CA10: variants seen among roughly 807,000 people sequenced by gnomAD.
CA10 encodes the protein carbonic anhydrase 10 (inactive).
In CA10, 14 loss-of-function variants were observed where a neutral mutation model predicts 44.2. The ratio of observed to expected loss-of-function variants is 0.32; its 90% CI spans 0.21 to 0.50. CA10 has a LOEUF of 0.50. CA10 is among the 20% of genes least tolerant of loss of function. CA10 has a pLI of 0.99. For synonymous variants in CA10, 159 were observed against 141.6 expected (o/e 1.12, Z -0.87); for missense variants, 350 against 409.7 (o/e 0.85, Z 1.26).
intron 1 of CA10, among the ~76,000 whole-genome samples, chr17:52,148,508 T>G (rs918933367): frequency 6.6e-6 from 1 of 152,174 alleles, no homozygotes; most frequent in Non-Finnish European, 1.5e-5. Flanking sequence ...TCAAACATAT[T>G]GCTCATTGGG....
intron 6 of CA10, among the ~76,000 whole-genome samples, chr17:51,648,423 G>C (rs1331908206): frequency 6.6e-6 from 1 of 152,188 alleles, no homozygotes; most frequent in Non-Finnish European, 1.5e-5. Context: ...GAAACTCCTT[G>C]ATGAAGGACA....
intron 1 of CA10, among the ~76,000 whole-genome samples, chr17:52,125,460 A>G (rs1989098744): frequency 6.6e-6 from 1 of 152,216 alleles, no homozygotes; most frequent in Admixed American, 6.5e-5. Context: ...ATGCATGCAC[A>G]GTAGGCCTAA....
At position 51,698,329 on chromosome 17, in the gene CA10, A is replaced by G. The variant is rs147545833; in HGVS notation, c.466-44593T>C. ...CCTTTCAAGGTCACTGGACGAAACA[A>G]GTCTTCTTCAGTTTTCACTTAGGAC... is the stretch of plus-strand genomic sequence containing the variant. On this transcript the variant is annotated intron_variant, in intron 4 of 8. Coordinates refer to ENST00000451037, the MANE Select transcript of CA10 (RefSeq NM_020178.5). 2.1e-3 allele frequency among the ~76,000 whole-genome samples: 313 copies of G among 152,336 alleles called. 3 individuals carry two copies. The highest frequency in any genetic ancestry group is 7.2e-3 in the African/African-American group (301 of 41,562).
intron 2 of CA10, among the ~76,000 whole-genome samples, chr17:52,050,312 G>T (rs1181926781): frequency 6.6e-6 from 1 of 151,922 alleles, no homozygotes. Flanking sequence ...AACATTTCCA[G>T]AGTCAGTCAA....
chr17:51,888,436 A>ATTACT (rs1283496521), intron 3 of CA10, among the ~76,000 whole-genome samples: 1 of 152,212 alleles, frequency 6.6e-6, no homozygotes, highest in Non-Finnish European at 1.5e-5. Flanking sequence ...TAGAATAAGG[A>ATTACT]TTACTTTCTA....
At chr17:52,043,108 T>C (rs1461716162) in intron 2 of CA10, among the ~76,000 whole-genome samples, 1 of 152,076 alleles carries the variant, frequency 6.6e-6, no homozygotes, top group Non-Finnish European at 1.5e-5. Flanking sequence ...AAATCTAGGA[T>C]TGTCTTTCTG....
At chr17:52,048,400 A>G (rs1986971613) in intron 2 of CA10, among the ~76,000 whole-genome samples, 1 of 152,054 alleles carries the variant, frequency 6.6e-6, no homozygotes, top group South Asian at 2.1e-4. Context: ...ACTGTTAGCC[A>G]GGCACCGTGC....
At chr17:52,086,794 A>C (rs766704965) in intron 1 of CA10, among the ~76,000 whole-genome samples, 14 of 152,216 alleles carry the variant, frequency 9.2e-5, no homozygotes, top group African/African-American at 3.4e-4. Flanking sequence ...ATATTGTTAT[A>C]AAATGGGGTC....
chr17:52,033,331 C>T (rs1008034388), intron 2 of CA10, among the ~76,000 whole-genome samples: 2 of 152,140 alleles, frequency 1.3e-5, no homozygotes, highest in Admixed American at 6.5e-5. Context: ...TAGGTTAATA[C>T]TCCATGTATA....
chr17:51,631,523 G>C lies in CA10; in HGVS notation c.*61C>G. Reference sequence around the variant, plus strand: ...GAGAAGCAAGAAGGGGGACATTCTAGGTTACGTCAATTCACAGTTGTAGCA... The same window carrying C: ...GAGAAGCAAGAAGGGGGACATTCTACGTTACGTCAATTCACAGTTGTAGCA... On this transcript the variant is annotated 3_prime_UTR_variant, in exon 9 of 9. Transcript: ENST00000451037. The C allele has an allele frequency of 6.9e-7, 1 of 1,441,940 alleles. No homozygotes were observed. Among genetic ancestry groups the C allele is most frequent in the Non-Finnish European group, 9.8e-7 (1 of 1,024,238 alleles). The allele number at this position is 1,441,940 out of a possible 1,614,324, so 89.3% of individuals were successfully genotyped here.
In CA10 at chr17:51,817,434, T is replaced by G. The variant is rs376087473; in HGVS notation, c.280-69616A>C. 5.1e-4 allele frequency among the ~76,000 whole-genome samples: 78 copies of G among 152,130 alleles called. No homozygotes were observed. The South Asian group carries it at 8.9e-3, about 17-fold the overall frequency. ...CTAGGCCTTACTTTTCTCCTGTAAG[T>G]GATGGTGGGGAGGGATGCATGGCAG... On this transcript the variant is annotated intron_variant, in intron 3 of 8. Coordinates refer to ENST00000451037, the MANE Select transcript of CA10 (RefSeq NM_020178.5).
chr17:52,067,323 C>T (rs879191521), intron 2 of CA10, among the ~76,000 whole-genome samples: 7 of 152,228 alleles, frequency 4.6e-5, no homozygotes, highest in African/African-American at 1.7e-4. Context: ...AAGCCCCAGG[C>T]CTTGGTGGCT....
At chr17:51,752,782 G>A (rs1433796654) in intron 3 of CA10, among the ~76,000 whole-genome samples, 3 of 152,018 alleles carry the variant, frequency 2.0e-5, no homozygotes, top group Admixed American at 6.6e-5. Context: ...TACAATTAGC[G>A]GGGTGTGGTA....
At chr17:51,700,314 C>T (rs1473455953) in intron 4 of CA10, among the ~76,000 whole-genome samples, 1 of 152,198 alleles carries the variant, frequency 6.6e-6, no homozygotes, top group African/African-American at 2.4e-5. Context: ...GATAATATCG[C>T]TGCACTGCTC....
chr17:51,704,580 C>A (rs1347828175), intron 4 of CA10, among the ~76,000 whole-genome samples: 1 of 152,212 alleles, frequency 6.6e-6, no homozygotes, highest in Non-Finnish European at 1.5e-5. Context: ...TGAGTGCAGA[C>A]AGTGCAATAA....
intron 2 of CA10, among the ~76,000 whole-genome samples, chr17:51,949,054 A>G (rs769839520): frequency 1.3e-5 from 2 of 152,180 alleles, no homozygotes; most frequent in Non-Finnish European, 2.9e-5. Context: ...AAAATAACGG[A>G]TACTATGATC....
chr17:51,862,917 G>A (rs1393655262), intron 3 of CA10, among the ~76,000 whole-genome samples: 11 of 151,986 alleles, frequency 7.2e-5, no homozygotes, highest in Admixed American at 7.2e-4. Flanking sequence ...TCTACCAAAA[G>A]CCCCATATCC....
chr17:51,710,564 G>A lies in CA10; in HGVS notation c.465+37069C>T, dbSNP rs886485540. 1.8e-4 allele frequency among the ~76,000 whole-genome samples: 28 copies of A among 152,146 alleles called. 2 individuals are homozygous for A. Among genetic ancestry groups the A allele is most frequent in the Non-Finnish European group, 2.9e-5 (2 of 68,008 alleles). On this transcript the variant is annotated intron_variant, in intron 4 of 8. Coordinates refer to ENST00000451037, the MANE Select transcript of CA10 (RefSeq NM_020178.5). ...GGGACTAAGTTTGCCTTTGCCTGGGGTGTTACCACAGGAGGTGGGAGTTTG... is the reference window on the plus strand; with the variant it reads ...GGGACTAAGTTTGCCTTTGCCTGGGATGTTACCACAGGAGGTGGGAGTTTG...
At chr17:52,155,521 A>T (rs1483799645) in intron 1 of CA10, among the ~76,000 whole-genome samples, 1 of 152,194 alleles carries the variant, frequency 6.6e-6, no homozygotes. Context: ...TAATCATATT[A>T]CTAATAATAA....
Sources: allele counts gnomAD v4.1 joint callset (sites outside exome capture counted in the v4.1 genomes callset), GRCh38; gene constraint gnomAD v4.1.1; transcripts MANE v1.5; gene names NCBI Gene and HGNC (gene_info 2026-07-23, HGNC 2026-07-21).